Variants in BMPR1B observed in about 807,000 individuals in gnomAD.
The protein encoded by BMPR1B is bone morphogenetic protein receptor type 1B, also known as bone morphogenetic protein receptor type-1B.
A neutral mutation model predicts 59.1 loss-of-function variants in BMPR1B; 12 were observed. That is an observed-to-expected ratio of 0.20 (90% CI 0.13 to 0.33). The LOEUF is 0.33. Ranked by LOEUF, BMPR1B falls within the 10% of genes least tolerant of loss-of-function variation. The pLI, the probability that BMPR1B is intolerant of heterozygous loss-of-function variation, is 1.00. For missense variants in BMPR1B, 550 were observed against 610.9 expected, an observed-to-expected ratio of 0.90 and a Z score of 1.05; for synonymous variants, 237 against 207.3, an observed-to-expected ratio of 1.14 and a Z score of -1.23.
chr4:95,074,472 T>G (rs1728552519), intron 3 of BMPR1B, among the ~76,000 whole-genome samples: 1 of 152,076 alleles, frequency 6.6e-6, no homozygotes, highest in African/African-American at 2.4e-5. Flanking sequence ...TGCACAGGAA[T>G]AGTTAACGAA....
At chr4:94,842,557 A>T (rs538203293) in intron 1 of BMPR1B, among the ~76,000 whole-genome samples, 62 of 152,210 alleles carry the variant, frequency 4.1e-4, no homozygotes, top group African/African-American at 1.4e-3. Flanking sequence ...ACATCTGAGG[A>T]TACTTTTTTT....
intron 4 of BMPR1B, among the ~76,000 whole-genome samples, chr4:95,110,618 A>C (rs1731560485): frequency 6.6e-6 from 1 of 152,174 alleles, no homozygotes; most frequent in Admixed American, 6.6e-5. Context: ...TTACTTTAAT[A>C]ATTACCACAC....
intron 2 of BMPR1B, among the ~76,000 whole-genome samples, chr4:94,988,333 G>A (rs941685002): frequency 1.3e-5 from 2 of 152,002 alleles, no homozygotes; most frequent in Admixed American, 1.3e-4. Context: ...GGTTCAATTA[G>A]CAACAACTAT....
chr4:94,881,582 C>G (rs1726975165), intron 2 of BMPR1B, among the ~76,000 whole-genome samples: 1 of 151,984 alleles, frequency 6.6e-6, no homozygotes, highest in Non-Finnish European at 1.5e-5. Context: ...TCTCCTGCCT[C>G]AGCCTCCTGA....
chr4:94,911,168 C>G (rs17022547), intron 2 of BMPR1B, among the ~76,000 whole-genome samples: 39,583 of 152,046 alleles, frequency 0.26, 6,163 homozygotes, highest in African/African-American at 0.43. Flanking sequence ...AGTTTAAAGT[C>G]TAAATATTAC....
At chr4:95,010,600 G>A (rs562708237) in intron 3 of BMPR1B, among the ~76,000 whole-genome samples, 3 of 152,146 alleles carry the variant, frequency 2.0e-5, no homozygotes, top group Non-Finnish European at 4.4e-5. Context: ...AAATTGCTTG[G>A]CCGTATGAAA....
rs185200328 is a variant in BMPR1B at position 95,012,463 on chromosome 4, A to T, written c.-18+16329A>T. ...CATACAGTTTGTGAATTATTATTTC[A>T]ATATGTTGTAATTAATTAATTAAAG... On this transcript the variant is annotated intron_variant, in intron 3 of 12. Coordinates refer to ENST00000515059, the MANE Select transcript of BMPR1B (RefSeq NM_001203.3). Among the ~76,000 whole-genome samples the T allele has an allele frequency of 2.6e-4, 40 of 152,286 alleles. 1 individual carries two copies. The East Asian group carries it at 7.5e-3, about 29-fold the overall frequency.
rs1735518970 is a variant in BMPR1B, at chr4:95,157,719, G to C, written c.*3046G>C. The C allele has an allele frequency of 6.6e-6, 1 of 151,876 alleles. No homozygotes were observed. Among genetic ancestry groups the C allele is most frequent in the South Asian group, 2.1e-4 (1 of 4,826 alleles). The allele number at this position is 151,876 out of a possible 1,614,324, so 9.4% of individuals were successfully genotyped here. ...AGAGTAAGATATTATGGATGATAAA[G>C]TACTAAATGAAACATAATATTTATT... On this transcript the variant is annotated 3_prime_UTR_variant, in exon 13 of 13. Transcript: ENST00000515059.
At chr4:95,099,210 A>C (rs533032031) in intron 3 of BMPR1B, among the ~76,000 whole-genome samples, 2 of 152,314 alleles carry the variant, frequency 1.3e-5, no homozygotes, top group East Asian at 3.9e-4. Context: ...CATCATGAAG[A>C]TTAGCTAGAG....
chr4:95,096,878 ATATT>A (rs1055118976), intron 3 of BMPR1B, among the ~76,000 whole-genome samples: 2 of 142,390 alleles, frequency 1.4e-5, no homozygotes, highest in African/African-American at 2.6e-5. Context: ...AGTTATATAT[ATATT>A]TAATTTAAAC....
chr4:95,131,580 G>A, intron 10 of BMPR1B, 68 bp downstream of exon 10: 3 of 1,537,102 alleles, frequency 2.0e-6, no homozygotes, highest in Non-Finnish European at 2.7e-6. Context: ...TTGTAGCGCA[G>A]TGCTTCTAGG....
chr4:94,975,257 G>A (rs1368321507), intron 2 of BMPR1B, among the ~76,000 whole-genome samples: 1 of 152,050 alleles, frequency 6.6e-6, no homozygotes, highest in Non-Finnish European at 1.5e-5. Flanking sequence ...GTTGCCTTGA[G>A]CGTTCTCAGA....
chr4:95,149,256 C>G (rs1185783827), intron 11 of BMPR1B, among the ~76,000 whole-genome samples: 2 of 152,084 alleles, frequency 1.3e-5, no homozygotes, highest in Admixed American at 1.3e-4. Flanking sequence ...CTTTTCTGTC[C>G]CTGCCAGTTT....
At chr4:94,952,920 T>G (rs181192353) in intron 2 of BMPR1B, among the ~76,000 whole-genome samples, 32 of 152,304 alleles carry the variant, frequency 2.1e-4, no homozygotes, top group Non-Finnish European at 4.3e-4. Context: ...CTCTAAAAAC[T>G]TATGTTATGA....
chr4:94,859,875 A>G (rs1725910487), intron 1 of BMPR1B, among the ~76,000 whole-genome samples: 1 of 151,850 alleles, frequency 6.6e-6, no homozygotes, highest in South Asian at 2.1e-4. Context: ...TTTCAAAAGT[A>G]AAATATTTAC....
At chr4:95,026,098 A>ATTTATTTATTTCTTTC (rs1553928440) in intron 3 of BMPR1B, among the ~76,000 whole-genome samples, 3 of 101,622 alleles carry the variant, frequency 3.0e-5, no homozygotes, top group African/African-American at 1.1e-4. Flanking sequence ...GCTTTCTTTC[A>ATTTATTTATTTCTTTC]TTTCTTTCTT....
intron 2 of BMPR1B, among the ~76,000 whole-genome samples, chr4:94,914,548 G>A (rs1728410025): frequency 6.6e-6 from 1 of 152,106 alleles, no homozygotes. Context: ...TGCATGCAAA[G>A]GAAGGATAAG....
intron 1 of BMPR1B, among the ~76,000 whole-genome samples, chr4:94,860,741 A>G (rs1379835872): frequency 6.6e-6 from 1 of 152,234 alleles, no homozygotes; most frequent in African/African-American, 2.4e-5. Flanking sequence ...GGAGCTTGGC[A>G]GAGCTGAGTC....
chr4:94,866,088 T>A (rs1363876996), intron 1 of BMPR1B, among the ~76,000 whole-genome samples: 2 of 152,230 alleles, frequency 1.3e-5, no homozygotes, highest in African/African-American at 2.4e-5. Flanking sequence ...TATAAATTCA[T>A]AGTCCCTAGC....
Sources: allele counts gnomAD v4.1 joint callset (sites outside exome capture counted in the v4.1 genomes callset), GRCh38; gene constraint gnomAD v4.1.1; transcripts MANE v1.5; gene names NCBI Gene and HGNC (gene_info 2026-07-23, HGNC 2026-07-21).